RBM26: variants seen among roughly 807,000 people sequenced by gnomAD.
RBM26 encodes RNA-binding protein 26.
RBM26 carries 30 observed loss-of-function variants against 123.6 expected under a neutral mutation model. The observed-to-expected ratio is 0.24, with a 90% CI of 0.18 to 0.33. The LOEUF is 0.33. Among genes scored for constraint, RBM26 ranks in the 10% least tolerant of loss-of-function variants. The pLI, the probability that RBM26 is intolerant of heterozygous loss-of-function variation, is 1.00. For missense variants in RBM26, 947 were observed against 1,203.6 expected, an observed-to-expected ratio of 0.79 and a Z score of 3.15; for synonymous variants, 400 against 404.4, an observed-to-expected ratio of 0.99 and a Z score of 0.13.
At position 79,349,462 on chromosome 13, in the gene RBM26, G is replaced by C. The variant is rs533700086; in HGVS notation, c.2058+3691C>G. 9.9e-5 allele frequency among the ~76,000 whole-genome samples: 15 copies of C among 152,112 alleles called. No homozygotes were observed. The South Asian group carries it at 3.1e-3, about 31-fold the overall frequency. On this transcript the variant is annotated intron_variant, in intron 14 of 21. Coordinates refer to ENST00000438737, the MANE Select transcript of RBM26 (RefSeq NM_001366735.2). ...AAAAGAAACAAAGATTAAAAAACTT[G>C]CAGAGAAATATTTTAACAAACATCA...
chr13:79,353,708 T>C (rs1247209735), intron 13 of RBM26, among the ~76,000 whole-genome samples: 1 of 152,202 alleles, frequency 6.6e-6, no homozygotes, highest in Non-Finnish European at 1.5e-5. Context: ...TTCAGCATCT[T>C]ACTCTTCAGG....
Position 79,366,087 on chromosome 13 carries a change from G to A in RBM26, c.1244C>T (p.Pro415Leu), listed in dbSNP as rs759687650. The change falls in exon 8 of 22, where the codon CCT becomes CTT. Residue 415 changes from proline to leucine, a missense_variant. Coordinates refer to ENST00000438737, the MANE Select transcript of RBM26 (RefSeq NM_001366735.2). The part of the protein sequence containing the change: ...TVVTTGIHHQ[P>L]PPAPPSLFTA... ...AAAAAGAGAGGGTGGAGCAGGAGGA[G>A]GCTGGTGATGAATGCCAGTTGTTAC... 1.2e-6 allele frequency: 2 copies of A among 1,614,094 alleles called. No individual in the cohort carries two copies. The highest frequency in any genetic ancestry group is 1.1e-5 in the South Asian group (1 of 91,090).
chr13:79,401,713 A>G (rs775393563), intron 1 of RBM26, among the ~76,000 whole-genome samples: 4 of 152,228 alleles, frequency 2.6e-5, no homozygotes, highest in Non-Finnish European at 4.4e-5. Context: ...CATGTGTCCC[A>G]TTCAACCCTT....
At chr13:79,356,734 A>T (rs1353134478) in intron 11 of RBM26, among the ~76,000 whole-genome samples, 2 of 152,338 alleles carry the variant, frequency 1.3e-5, no homozygotes, top group Non-Finnish European at 2.9e-5. Flanking sequence ...TTTGAAAAAC[A>T]TGTTTTAAGA....
chr13:79,320,793 C>A, intron 21 of RBM26, 83 bp from the exon 22 acceptor site: 1 of 1,300,042 alleles, frequency 7.7e-7, no homozygotes, highest in Non-Finnish European at 1.0e-6. Flanking sequence ...AAATACTCAT[C>A]TCTCTCAACA....
At chr13:79,315,025 T>C (rs890559512), downstream of RBM26, 27 of 1,247,314 alleles carry the variant, frequency 2.2e-5, no homozygotes, top group Non-Finnish European at 2.8e-5. Context: ...AAAAAAAACT[T>C]TGAAAATAGC....
chr13:79,393,445 C>T (rs1230633900), intron 1 of RBM26, among the ~76,000 whole-genome samples: 1 of 152,168 alleles, frequency 6.6e-6, no homozygotes, highest in African/African-American at 2.4e-5. Context: ...CTCCTTCTGC[C>T]TTATGTCTCC....
chr13:79,355,136 T>C (rs1254211478), intron 12 of RBM26, 84 bp downstream of exon 12: 25 of 1,298,044 alleles, frequency 1.9e-5, no homozygotes, highest in South Asian at 1.3e-5. Flanking sequence ...TCAGGCCTAC[T>C]TGATTCCAAT....
rs2075309608 is a variant in RBM26 at position 79,366,788 on chromosome 13, C to A, written c.980G>T (p.Gly327Val). ...PVVVEDVNLP[G>V]MLPFPAQPPV... is the part of the protein sequence containing the mutation. The stretch of plus-strand genomic sequence containing the variant: ...AGGCTGTGCTGGGAAAGGCAGCATA[C>A]CAGGAAGATTCACATCTTCTACAAC... Residue 327 changes from glycine (G) to valine (V), a missense_variant, in exon 7 of 22, where the codon GGT (glycine) becomes GTT (valine). Around this residue, in one of 5 missense-constraint regions of RBM26, gnomAD observed 11 missense variants for 44.5 expected, o/e 0.25. Transcript: ENST00000438737. The A allele has an allele frequency of 6.2e-7, 1 of 1,613,560 alleles. No homozygotes were observed. Among genetic ancestry groups the A allele is most frequent in the Non-Finnish European group, 8.5e-7 (1 of 1,179,860 alleles).
At chr13:79,356,692 T>C (rs1396398840) in intron 11 of RBM26, among the ~76,000 whole-genome samples, 1 of 152,188 alleles carries the variant, frequency 6.6e-6, no homozygotes, top group African/African-American at 2.4e-5. Context: ...TATGTTTAAT[T>C]AGCATGAAGC....
chr13:79,405,618 C>G (rs577346745), intron 1 of RBM26, 86 bp downstream of exon 1: 1 of 885,370 alleles, frequency 1.1e-6, no homozygotes, highest in African/African-American at 1.7e-5. Flanking sequence ...GCCTCCACCG[C>G]AGGCACTTGG....
chr13:79,344,344 A>G (rs2071928725), intron 15 of RBM26, 22 bp from the exon 16 acceptor site: 1 of 1,490,242 alleles, frequency 6.7e-7, no homozygotes, highest in African/African-American at 1.4e-5. Flanking sequence ...GATCAAAAAT[A>G]TCATTAGAAT....
chr13:79,321,126 T>A (rs1198830247), intron 21 of RBM26, among the ~76,000 whole-genome samples: 1 of 151,454 alleles, frequency 6.6e-6, no homozygotes, highest in Non-Finnish European at 1.5e-5. Flanking sequence ...ATATTTATAT[T>A]TATTTTCTGC....
intron 4 of RBM26, 98 bp downstream of exon 4, chr13:79,371,744 T>G (rs895208964): frequency 3.8e-6 from 3 of 788,444 alleles, no homozygotes; most frequent in Admixed American, 2.3e-5. Context: ...AAAGAGTAGA[T>G]ATTACTTGCC....
At chr13:79,341,004 T>C (rs2071282959) in intron 18 of RBM26, 119 bp downstream of exon 18, 6 of 571,716 alleles carry the variant, frequency 1.0e-5, no homozygotes, top group South Asian at 7.8e-5. Context: ...TCAATATGTA[T>C]GCCAGGGATT....
At chr13:79,358,492 AAG>A (rs1298561092) in intron 10 of RBM26, 59 bp from the exon 11 acceptor site, 1 of 1,311,246 alleles carries the variant, frequency 7.6e-7, no homozygotes, top group Non-Finnish European at 1.1e-6. Flanking sequence ...AACCAAATAC[AAG>A]GGAATAAAGT....
rs372823783 is a variant in RBM26 at position 79,329,984 on chromosome 13, T to C, written c.2820+4360A>G. On this transcript the variant is annotated intron_variant, in intron 20 of 21. Coordinates refer to ENST00000438737, the MANE Select transcript of RBM26 (RefSeq NM_001366735.2). ...TCTAAAATGTTTACAGATGAAATGA[T>C]ACAGTGACTGTGAATAGCTCCAAAA... 1.5e-3 allele frequency among the ~76,000 whole-genome samples: 227 copies of C among 152,292 alleles called. 2 individuals carry two copies. The highest frequency in any genetic ancestry group is 5.4e-3 in the African/African-American group (224 of 41,582).
rs1265689221 is a variant in RBM26 at position 79,355,316 on chromosome 13, T to C, written c.1758A>G (p.Ala586=). 1 of 1,613,948 alleles carries C rather than the reference T, an allele frequency of 6.2e-7. No homozygotes were observed. Among genetic ancestry groups the C allele is most frequent in the South Asian group, 1.1e-5 (1 of 91,064 alleles). ...TTAATACTGCTTCCGTACTTGATAT[T>C]GCTTTCTTTGCTTCTTCGTATGTTG... The part of the protein sequence containing the change: ...QFATYEEAKK[A]ISSTEAVLNN... Residue 586 remains alanine, a synonymous_variant, in exon 12 of 22, where the codon GCA becomes GCG. Coordinates refer to ENST00000438737, the MANE Select transcript of RBM26 (RefSeq NM_001366735.2).
chr13:79,330,298 G>A (rs1336903189), intron 20 of RBM26, among the ~76,000 whole-genome samples: 1 of 152,042 alleles, frequency 6.6e-6, no homozygotes, highest in Non-Finnish European at 1.5e-5. Context: ...ATCTAACAAA[G>A]GAGGAAAAAA....
Sources: allele counts gnomAD v4.1 joint callset (sites outside exome capture counted in the v4.1 genomes callset), GRCh38; gene constraint gnomAD v4.1.1; regional missense constraint gnomAD v4.1.1; transcripts MANE v1.5; gene names NCBI Gene and HGNC (gene_info 2026-07-23, HGNC 2026-07-21).